Variants in PDE3A observed in about 807,000 individuals in gnomAD.
The protein encoded by PDE3A is cGMP-inhibited 3',5'-cyclic phosphodiesterase 3A.
Under a neutral mutation model 98.3 loss-of-function variants are expected in PDE3A, and 43 were observed. That is an observed-to-expected ratio of 0.44 (90% CI 0.34 to 0.56). PDE3A has a LOEUF of 0.56. Ranked by LOEUF, PDE3A falls within the 20% of genes least tolerant of loss-of-function variation. PDE3A has a pLI of 0.01. For missense variants in PDE3A, 1,427 were observed against 1,440.7 expected, an observed-to-expected ratio of 0.99 and a Z score of 0.15; for synonymous variants, 663 against 567.9, an observed-to-expected ratio of 1.17 and a Z score of -2.38.
rs557549520 is a variant in PDE3A at position 20,368,802 on chromosome 12, TGCAGCGCAGC to T, written c.-475_-466del. Among the ~76,000 whole-genome samples, 2 of 151,730 alleles carry T rather than the reference TGCAGCGCAGC, an allele frequency of 1.3e-5. No homozygotes were observed. The highest frequency in any genetic ancestry group is 2.9e-5 in the Non-Finnish European group (2 of 67,898). On this transcript the variant is annotated 5_prime_UTR_variant, in exon 1 of 16. It introduces an in-frame stop codon into an upstream open reading frame of the 5' UTR. Transcript: ENST00000359062. ...TCCATCTGCCGCGGGCCCGGCGCGC[TGCAGCGCAGC>T]GCAGCGCCGAGCTGCGCCTCGGAAT... is the stretch of plus-strand genomic sequence containing the variant.
At chr12:20,475,602 T>G (rs906534115) in intron 1 of PDE3A, among the ~76,000 whole-genome samples, 6 of 151,994 alleles carry the variant, frequency 3.9e-5, no homozygotes, top group Admixed American at 3.3e-4. Flanking sequence ...TGTTGGCACA[T>G]GCCTGTGGTC....
chr12:20,676,721 G>T (rs1037327955), intron 15 of PDE3A, among the ~76,000 whole-genome samples: 1 of 151,940 alleles, frequency 6.6e-6, no homozygotes, highest in African/African-American at 2.4e-5. Context: ...GGATTGTCTC[G>T]ATCTCCTGAC....
intron 15 of PDE3A, among the ~76,000 whole-genome samples, chr12:20,670,507 C>G (rs1199440560): frequency 6.6e-6 from 1 of 152,256 alleles, no homozygotes. Context: ...TCTCTCAGAC[C>G]ACAGTGCAAT....
At chr12:20,632,949 C>CTTTTTTA (rs768932692) in intron 6 of PDE3A, among the ~76,000 whole-genome samples, 1 of 102,122 alleles carries the variant, frequency 9.8e-6, no homozygotes, top group Admixed American at 1.1e-4. Flanking sequence ...AATAATGAGG[C>CTTTTTTA]TTTTTTTTTT....
At chr12:20,523,497 A>C (rs1275926550) in intron 1 of PDE3A, among the ~76,000 whole-genome samples, 1 of 152,230 alleles carries the variant, frequency 6.6e-6, no homozygotes, top group Admixed American at 6.5e-5. Flanking sequence ...TTTGGTCTGC[A>C]GAGCCAAAAG....
intron 5 of PDE3A, among the ~76,000 whole-genome samples, chr12:20,627,780 A>G (rs1040531121): frequency 2.6e-5 from 4 of 152,216 alleles, no homozygotes; most frequent in Non-Finnish European, 5.9e-5. Context: ...AACCTACTCC[A>G]TCCGTGGAGC....
rs576217617 is a variant in PDE3A, at chr12:20,486,342, A to C, written c.961-70318A>C. On this transcript the variant is annotated intron_variant, in intron 1 of 15. Transcript: ENST00000359062. The stretch of plus-strand genomic sequence containing the variant: ...CTGCCTAACACTTTAAAACCATCAG[A>C]TCTCTTGAGAACTCACTATCATGAG... Among the ~76,000 whole-genome samples, 14 of 152,146 alleles carry C rather than the reference A, an allele frequency of 9.2e-5. 1 individual carries two copies. Among genetic ancestry groups the C allele is most frequent in the African/African-American group, 3.4e-4 (14 of 41,514 alleles).
At chr12:20,664,200 C>A (rs1279483231) in intron 15 of PDE3A, among the ~76,000 whole-genome samples, 1 of 151,800 alleles carries the variant, frequency 6.6e-6, no homozygotes, top group Non-Finnish European at 1.5e-5. Context: ...AACCTCTTTC[C>A]TTTATAAATT....
intron 1 of PDE3A, among the ~76,000 whole-genome samples, chr12:20,406,583 G>A (rs1398306206): frequency 6.6e-6 from 1 of 152,088 alleles, no homozygotes; most frequent in African/African-American, 2.4e-5. Flanking sequence ...TGTTGTATAA[G>A]TTCCCGATAT....
intron 1 of PDE3A, among the ~76,000 whole-genome samples, chr12:20,444,758 G>A (rs1944926938): frequency 6.6e-6 from 1 of 152,186 alleles, no homozygotes; most frequent in South Asian, 2.1e-4. Context: ...TGCATGCCTG[G>A]TGCACTAAAA....
At chr12:20,639,175 G>A (rs953950661) in intron 9 of PDE3A, among the ~76,000 whole-genome samples, 2 of 152,076 alleles carry the variant, frequency 1.3e-5, no homozygotes, top group Non-Finnish European at 2.9e-5. Context: ...TTGAAGTTCT[G>A]TGAGCTGGGA....
At chr12:20,427,493 T>C (rs1389139309) in intron 1 of PDE3A, among the ~76,000 whole-genome samples, 2 of 152,182 alleles carry the variant, frequency 1.3e-5, no homozygotes, top group African/African-American at 2.4e-5. Flanking sequence ...GCTGTACTTA[T>C]GGTTAGGTAT....
At chr12:20,513,552 A>G (rs1002739103) in intron 1 of PDE3A, among the ~76,000 whole-genome samples, 1 of 152,138 alleles carries the variant, frequency 6.6e-6, no homozygotes, top group African/African-American at 2.4e-5. Flanking sequence ...TCCTTAATCT[A>G]CAAACTGTTG....
chr12:20,415,497 T>C (rs1338435781), intron 1 of PDE3A, among the ~76,000 whole-genome samples: 3 of 152,002 alleles, frequency 2.0e-5, no homozygotes, highest in Non-Finnish European at 4.4e-5. Context: ...TTCAGCTTAC[T>C]GCAACCACCA....
At chr12:20,395,642 C>T (rs1409546042) in intron 1 of PDE3A, among the ~76,000 whole-genome samples, 3 of 146,208 alleles carry the variant, frequency 2.1e-5, no homozygotes, top group Non-Finnish European at 3.0e-5. Context: ...ACTATATATA[C>T]ACATAGTATT....
chr12:20,678,459 G>A (rs1054242191), intron 15 of PDE3A, among the ~76,000 whole-genome samples: 2 of 152,140 alleles, frequency 1.3e-5, no homozygotes, highest in Non-Finnish European at 1.5e-5. Flanking sequence ...GTTTCTTAAA[G>A]GAGGTATGCT....
chr12:20,666,598 A>G (rs1945319065), intron 15 of PDE3A, among the ~76,000 whole-genome samples: 1 of 152,124 alleles, frequency 6.6e-6, no homozygotes, highest in Non-Finnish European at 1.5e-5. Flanking sequence ...TGATGCTGCA[A>G]ATGTCATAAT....
At position 20,369,658 on chromosome 12, in the gene PDE3A, G is replaced by T. The variant is rs756739153; in HGVS notation, c.374G>T (p.Arg125Leu). The T allele has an allele frequency of 3.1e-6, 5 of 1,603,568 alleles. No individual in the cohort carries two copies. Among genetic ancestry groups the T allele is most frequent in the Admixed American group, 1.7e-5 (1 of 58,770 alleles). ...PRGGAPGGGA[R>L]LSPWLQPSAL... is the part of the protein sequence containing the mutation. ...GGAGGTGCTCCCGGGGGCGGTGCGCGGCTCAGCCCCTGGCTGCAGCCCTCG... is the reference window on the plus strand; with the variant it reads ...GGAGGTGCTCCCGGGGGCGGTGCGCTGCTCAGCCCCTGGCTGCAGCCCTCG... Residue 125 changes from arginine to leucine, a missense_variant, in exon 1 of 16, where the codon CGG becomes CTG. Physicochemically the swap from Arg to Leu is moderately radical, Grantham distance 102 (BLOSUM62 -2). Coordinates refer to ENST00000359062, the MANE Select transcript of PDE3A (RefSeq NM_000921.5).
intron 2 of PDE3A, among the ~76,000 whole-genome samples, chr12:20,602,017 A>T (rs1943605121): frequency 6.6e-6 from 1 of 152,208 alleles, no homozygotes. Flanking sequence ...AGAGATTCTT[A>T]GTTATTCCTA....
Sources: gnomAD v4.1 joint callset for allele counts (sites outside exome capture counted in the v4.1 genomes callset) on GRCh38, gnomAD v4.1.1 for gene constraint, MANE v1.5 for transcripts, NCBI Gene and HGNC (gene_info 2026-07-23, HGNC 2026-07-21) for gene names.